PSME4: variants seen among roughly 807,000 people sequenced by gnomAD.
The protein encoded by PSME4 is proteasome activator complex subunit 4.
Under a neutral mutation model 253.9 loss-of-function variants are expected in PSME4, and 89 were observed. That is an observed-to-expected ratio of 0.35 (90% confidence interval 0.30 to 0.42). The LOEUF (loss-of-function observed/expected upper bound fraction) is 0.42, where lower values mean the gene tolerates loss of function less well. Among genes scored for constraint, PSME4 ranks in the 10% least tolerant of loss-of-function variants. The pLI is 1.00. For synonymous variants in PSME4, 851 were observed against 759.2 expected (o/e 1.12, Z -1.99); for missense variants, 2,014 against 2,195.2 (o/e 0.92, Z 1.65).
chr2:53,875,017 A>G (rs1679057617), intron 42 of PSME4, among the ~76,000 whole-genome samples: 1 of 152,226 alleles, frequency 6.6e-6, no homozygotes, highest in Non-Finnish European at 1.5e-5. Context: ...AATGGCTCCT[A>G]ACTCCTCTGA....
At chr2:53,875,595 T>G in intron 42 of PSME4, 32 bp downstream of exon 42, 3 of 1,578,314 alleles carry the variant, frequency 1.9e-6, no homozygotes, top group Non-Finnish European at 2.6e-6. Context: ...AAAATCCTAA[T>G]CAAAAGACAT....
intron 34 of PSME4, among the ~76,000 whole-genome samples, chr2:53,894,615 G>A (rs1366334996): frequency 6.6e-6 from 1 of 152,166 alleles, no homozygotes; most frequent in African/African-American, 2.4e-5. Context: ...AGTTTAAGGA[G>A]TTTTAACTGA....
chr2:53,918,435 C>T (rs1016045934), intron 20 of PSME4, among the ~76,000 whole-genome samples: 1 of 152,108 alleles, frequency 6.6e-6, no homozygotes, highest in African/African-American at 2.4e-5. Context: ...CTCCCTGCAA[C>T]CTCTGCCTCC....
intron 20 of PSME4, among the ~76,000 whole-genome samples, chr2:53,915,291 A>C (rs1668006144): frequency 6.6e-6 from 1 of 152,176 alleles, no homozygotes; most frequent in African/African-American, 2.4e-5. Flanking sequence ...AAATACAAAA[A>C]TTAGCTGGGC....
intron 3 of PSME4, among the ~76,000 whole-genome samples, chr2:53,940,459 CT>C (rs1374388505): frequency 7.9e-5 from 12 of 152,084 alleles, no homozygotes; most frequent in African/African-American, 2.9e-4. Context: ...CTCCCAGGCA[CT>C]TTAAGGCCAG....
chr2:53,966,712 T>A (rs1425577458), intron 1 of PSME4, among the ~76,000 whole-genome samples: 1 of 152,080 alleles, frequency 6.6e-6, no homozygotes. Flanking sequence ...GGTTTTTTTC[T>A]TTGTTGTTGT....
At chr2:53,909,457 T>C (rs923856571) in intron 21 of PSME4, among the ~76,000 whole-genome samples, 1 of 152,202 alleles carries the variant, frequency 6.6e-6, no homozygotes, top group Non-Finnish European at 1.5e-5. Flanking sequence ...ATATAAGTGC[T>C]AGAATAATTT....
chr2:53,899,196 C>G (rs1208665548), intron 29 of PSME4, among the ~76,000 whole-genome samples: 2 of 151,990 alleles, frequency 1.3e-5, no homozygotes, highest in South Asian at 2.1e-4. Context: ...TCCCGAGTAG[C>G]TGGGACTGTA....
Position 53,908,428 on chromosome 2 carries a change from AG to A in PSME4, c.2686-11del, listed in dbSNP as rs755667650. The stretch of plus-strand genomic sequence containing the variant: ...AAAGGTCTCCAATAATCTGTGTCAA[AG>A]AATTTCAAATTGTATTTGCAAGTCA... On this transcript the variant is annotated splice_polypyrimidine_tract_variant and intron_variant, in intron 23 of 46. Coordinates refer to ENST00000404125, the MANE Select transcript of PSME4 (RefSeq NM_014614.3). 6.2e-7 allele frequency: 1 copy of A among 1,612,728 alleles called. No individual in the cohort carries two copies. The highest frequency in any genetic ancestry group is 1.7e-5 in the Admixed American group (1 of 59,904).
intron 30 of PSME4, 138 bp from the exon 31 acceptor site, chr2:53,898,137 A>G (rs1680226657): frequency 2.5e-6 from 3 of 1,180,836 alleles, no homozygotes; most frequent in Non-Finnish European, 3.6e-6. Context: ...TCCTATCATT[A>G]ATCCCAAACT....
intron 44 of PSME4, 103 bp downstream of exon 44, chr2:53,869,273 G>T: frequency 1.7e-6 from 2 of 1,181,226 alleles, no homozygotes; most frequent in Non-Finnish European, 2.3e-6. Context: ...ACCTAGCATA[G>T]ACCTGGGCAC....
At chr2:53,898,029 T>C in intron 30 of PSME4, 30 bp from the exon 31 acceptor site, 1 of 1,598,284 alleles carries the variant, frequency 6.3e-7, no homozygotes, top group Non-Finnish European at 8.5e-7. Context: ...ACAAAGCATA[T>C]CACACATAAA....
At chr2:53,924,629 T>C (rs894111473) in intron 14 of PSME4, among the ~76,000 whole-genome samples, 1 of 152,154 alleles carries the variant, frequency 6.6e-6, no homozygotes, top group African/African-American at 2.4e-5. Context: ...TGTTTCTTTT[T>C]TTTATTTATT....
intron 29 of PSME4, among the ~76,000 whole-genome samples, chr2:53,899,526 A>C (rs899732747): frequency 8.5e-5 from 13 of 152,050 alleles, no homozygotes; most frequent in Non-Finnish European, 2.9e-5. Context: ...GATGTTAAAA[A>C]CTTACTATCG....
chr2:53,893,567 T>C (rs574716572), intron 35 of PSME4, 107 bp downstream of exon 35: 14 of 1,544,522 alleles, frequency 9.1e-6, no homozygotes, highest in Admixed American at 2.2e-5. Context: ...AGTGCCATTT[T>C]AGATCAAGGC....
chr2:53,922,950 G>T, intron 16 of PSME4, 99 bp downstream of exon 16: 1 of 993,798 alleles, frequency 1.0e-6, no homozygotes, highest in Non-Finnish European at 1.4e-6. Flanking sequence ...TCAAAATATT[G>T]TGAAGCTAAA....
rs572194286 is a variant in PSME4 at position 53,931,953 on chromosome 2, T to C, written c.1198A>G (p.Ile400Val). 1.2e-6 allele frequency: 2 copies of C among 1,614,106 alleles called. No individual in the cohort carries two copies. Among genetic ancestry groups the C allele is most frequent in the African/African-American group, 1.3e-5 (1 of 75,042 alleles). The change falls in exon 10 of 47, where the codon ATT becomes GTT. Residue 400 changes from isoleucine (I) to valine (V), a missense_variant. Coordinates refer to ENST00000404125, the MANE Select transcript of PSME4 (RefSeq NM_014614.3). ...DQDVTDFVQC[I>V]IQPVLLAMFS... Reference sequence around the variant, plus strand: ...ATAGCCAAGAGGACAGGCTGAATAATGCATTGTACAAAGTCTGTAACATCT... The same window carrying C: ...ATAGCCAAGAGGACAGGCTGAATAACGCATTGTACAAAGTCTGTAACATCT...
At chr2:53,867,640 A>G (rs1678632580) in intron 44 of PSME4, among the ~76,000 whole-genome samples, 1 of 149,652 alleles carries the variant, frequency 6.7e-6, no homozygotes, top group Non-Finnish European at 1.5e-5. Context: ...ACTGCACTCC[A>G]AGGAGGGCGA....
chr2:53,970,707 G>A lies in PSME4; in HGVS notation c.78C>T (p.Phe26=). 5 of 1,548,774 alleles carry A rather than the reference G, an allele frequency of 3.2e-6. No homozygotes were observed. The highest frequency in any genetic ancestry group is 4.4e-6 in the Non-Finnish European group (5 of 1,146,388). Residue 26 remains phenylalanine, a synonymous_variant, in exon 1 of 47, where the codon TTC becomes TTT. Transcript: ENST00000404125. ...TGTAGACGATCTCCTTCTGCGGGAC[G>A]AAGCCCCGCGGGCCCGGCTCGGGAC... ...GGRPEPGPRG[F]VPQKEIVYNK...
Sources: gnomAD v4.1 joint callset for allele counts (sites outside exome capture counted in the v4.1 genomes callset) on GRCh38, gnomAD v4.1.1 for gene constraint, MANE v1.5 for transcripts, NCBI Gene and HGNC (gene_info 2026-07-23, HGNC 2026-07-21) for gene names.